Variants in CNTN3 observed in about 807,000 individuals in gnomAD.
CNTN3 encodes the protein contactin 3.
In CNTN3, 60 loss-of-function variants were observed where a neutral mutation model predicts 119.1. That is an observed-to-expected ratio of 0.50 (90% CI 0.41 to 0.62). The LOEUF (loss-of-function observed/expected upper bound fraction) is 0.62. Among genes scored for constraint, CNTN3 ranks in the 20% least tolerant of loss-of-function variants. CNTN3 has a pLI of 0.00. For synonymous variants in CNTN3, 450 were observed against 438.7 expected, an observed-to-expected ratio of 1.03 and a Z score of -0.32; for missense variants, 1,101 against 1,242.4, an observed-to-expected ratio of 0.89 and a Z score of 1.71.
intron 2 of CNTN3, among the ~76,000 whole-genome samples, chr3:74,510,484 A>C (rs1190771056): frequency 6.6e-6 from 1 of 152,136 alleles, no homozygotes; most frequent in Non-Finnish European, 1.5e-5. Context: ...TTTCAACAGC[A>C]ATAGCACCCT....
intron 5 of CNTN3, among the ~76,000 whole-genome samples, chr3:74,402,002 T>C (rs1223140194): frequency 6.6e-6 from 1 of 152,176 alleles, no homozygotes; most frequent in East Asian, 1.9e-4. Context: ...GTTTCTTAGA[T>C]TAGAGGGGAT....
chr3:74,325,585 A>G (rs539551810), intron 13 of CNTN3, among the ~76,000 whole-genome samples: 17 of 152,260 alleles, frequency 1.1e-4, no homozygotes, highest in Admixed American at 7.9e-4. Flanking sequence ...ACTGATAGGA[A>G]TATAAATAGC....
intron 20 of CNTN3, among the ~76,000 whole-genome samples, chr3:74,273,351 G>A (rs935631013): frequency 3.3e-5 from 5 of 152,146 alleles, no homozygotes; most frequent in African/African-American, 1.2e-4. Flanking sequence ...AGCAGTGTGT[G>A]GAGGCTTGCA....
At chr3:74,572,880 G>A (rs1207098524) in intron 1 of CNTN3, among the ~76,000 whole-genome samples, 2 of 152,214 alleles carry the variant, frequency 1.3e-5, no homozygotes, top group Admixed American at 6.5e-5. Flanking sequence ...ACGTTATCTA[G>A]AAAACTAGGA....
chr3:74,612,428 TGAA>T (rs1705098889), intron 1 of CNTN3, among the ~76,000 whole-genome samples: 1 of 152,206 alleles, frequency 6.6e-6, no homozygotes, highest in Non-Finnish European at 1.5e-5. Flanking sequence ...GGTTGTGTTG[TGAA>T]GAATATTTAA....
intron 1 of CNTN3, among the ~76,000 whole-genome samples, chr3:74,543,001 T>C (rs1703863030): frequency 6.6e-6 from 1 of 151,906 alleles, no homozygotes; most frequent in African/African-American, 2.4e-5. Flanking sequence ...CATGTGCCTG[T>C]AGTGTAGTCC....
chr3:74,351,668 A>T (rs979007641), intron 11 of CNTN3, among the ~76,000 whole-genome samples: 2 of 152,232 alleles, frequency 1.3e-5, no homozygotes, highest in African/African-American at 4.8e-5. Flanking sequence ...GTAAATAATG[A>T]TACAAATACC....
Position 74,433,493 on chromosome 3 carries a change from T to C in CNTN3, c.359-8553A>G, listed in dbSNP as rs532134241. Among the ~76,000 whole-genome samples the C allele has an allele frequency of 3.9e-5, 6 of 152,312 alleles. No individual in the cohort carries two copies. The South Asian group carries it at 1.2e-3, about 32-fold the overall frequency. On this transcript the variant is annotated intron_variant, in intron 4 of 22. Transcript: ENST00000263665. Reference sequence around the variant, plus strand: ...ACTATTTAGGAAATGTAGCAAAGCATCTAATAAGATCATAACAGCCTCAGG... The same window carrying C: ...ACTATTTAGGAAATGTAGCAAAGCACCTAATAAGATCATAACAGCCTCAGG...
chr3:74,498,200 T>C (rs1703098933), intron 3 of CNTN3, among the ~76,000 whole-genome samples: 1 of 151,812 alleles, frequency 6.6e-6, no homozygotes, highest in South Asian at 2.1e-4. Context: ...GAGAATAATC[T>C]TTCATTTCAG....
intron 3 of CNTN3, among the ~76,000 whole-genome samples, chr3:74,498,554 G>T (rs1703105146): frequency 1.3e-5 from 2 of 151,750 alleles, no homozygotes; most frequent in African/African-American, 4.8e-5. Flanking sequence ...ATTGTTGAAA[G>T]AGACTGATCT....
At chr3:74,425,561 G>A (rs1559595464) in intron 4 of CNTN3, among the ~76,000 whole-genome samples, 1 of 152,032 alleles carries the variant, frequency 6.6e-6, no homozygotes, top group East Asian at 1.9e-4. Context: ...GTATCAGAAT[G>A]AACTAACCAG....
chr3:74,454,460 T>C (rs1241413955), intron 4 of CNTN3, among the ~76,000 whole-genome samples: 5 of 151,996 alleles, frequency 3.3e-5, no homozygotes, highest in African/African-American at 1.2e-4. Context: ...CTTGACTCTT[T>C]ATCCAATTTG....
intron 11 of CNTN3, among the ~76,000 whole-genome samples, chr3:74,354,439 A>G (rs981994333): frequency 2.0e-5 from 3 of 152,148 alleles, no homozygotes; most frequent in Non-Finnish European, 2.9e-5. Context: ...TCTTTCTCAC[A>G]AACCACGTCT....
chr3:74,518,903 C>T (rs1429790610), intron 2 of CNTN3, among the ~76,000 whole-genome samples: 1 of 151,842 alleles, frequency 6.6e-6, no homozygotes, highest in East Asian at 1.9e-4. Context: ...CATATGTTGT[C>T]CATGACTAAA....
At chr3:74,366,799 T>TATATATATATATATATATAA (rs1344265725) in intron 8 of CNTN3, among the ~76,000 whole-genome samples, 3 of 134,108 alleles carry the variant, frequency 2.2e-5, no homozygotes, top group African/African-American at 5.7e-5. Flanking sequence ...TATATATATA[T>TATATATATATATATATATAA]ATATATATAA....
chr3:74,613,128 T>C (rs1705109950), intron 1 of CNTN3, among the ~76,000 whole-genome samples: 1 of 152,170 alleles, frequency 6.6e-6, no homozygotes, highest in African/African-American at 2.4e-5. Context: ...TACTCCTCCT[T>C]TCAATCTCTG....
intron 4 of CNTN3, among the ~76,000 whole-genome samples, chr3:74,449,497 T>A (rs139432937): frequency 6.6e-6 from 1 of 152,068 alleles, no homozygotes; most frequent in African/African-American, 2.4e-5. Flanking sequence ...AGTGCAAATT[T>A]CCAGGCCCCA....
rs372743986 is a variant in CNTN3, at chr3:74,450,273, CAT to C, written c.359-25335_359-25334del. Among the ~76,000 whole-genome samples, 13 of 151,960 alleles carry C rather than the reference CAT, an allele frequency of 8.6e-5. No homozygotes were observed. In the South Asian group the frequency reaches 2.7e-3, roughly 32 times the overall value. ...TTTTTTTAATCTTGCAGTTATAAAA[CAT>C]AGAAGGAAATCTAAGAAAAATGGTC... On this transcript the variant is annotated intron_variant, in intron 4 of 22. Transcript: ENST00000263665.
intron 20 of CNTN3, among the ~76,000 whole-genome samples, chr3:74,283,164 G>A (rs1412983902): frequency 2.0e-5 from 3 of 152,106 alleles, no homozygotes; most frequent in African/African-American, 7.2e-5. Flanking sequence ...CTGAAAGAGA[G>A]GATACCATAG....
Sources: gnomAD v4.1 joint callset for allele counts (sites outside exome capture counted in the v4.1 genomes callset) on GRCh38, gnomAD v4.1.1 for gene constraint, MANE v1.5 for transcripts, NCBI Gene and HGNC (gene_info 2026-07-23, HGNC 2026-07-21) for gene names.